CRX: variants seen among roughly 807,000 people sequenced by gnomAD.
CRX encodes the protein cone-rod homeobox protein.
A neutral mutation model predicts 13.1 loss-of-function variants in CRX; 5 were observed. That is an observed-to-expected ratio of 0.38 (90% confidence interval 0.20 to 0.80). The LOEUF (loss-of-function observed/expected upper bound fraction) is 0.80, where lower values mean the gene tolerates loss of function less well. Among genes scored for constraint, CRX ranks in the 30% least tolerant of loss-of-function variants. The probability of loss-of-function intolerance (pLI) is 0.43; values close to 1 mark genes in which losing one functional copy is unlikely to be tolerated. For synonymous variants in CRX, 179 were observed against 171.1 expected (o/e 1.05, Z -0.36); for missense variants, 351 against 391.8 (o/e 0.90, Z 0.88).
intron 1 of CRX, among the ~76,000 whole-genome samples, chr19:47,829,848 T>G (rs1968022822): frequency 6.6e-6 from 1 of 151,114 alleles, no homozygotes; most frequent in Non-Finnish European, 1.5e-5. Flanking sequence ...TTACCCAGGC[T>G]GGTCTCGAAC....
rs560107317 is a variant in CRX at position 47,841,354 on chromosome 19, T to G, written c.*1387T>G. 2 of 152,318 alleles carry G rather than the reference T, an allele frequency of 1.3e-5. No individual in the cohort carries two copies. Among genetic ancestry groups the G allele is most frequent in the African/African-American group, 4.8e-5 (2 of 41,582 alleles). The allele number at this position is 152,318 out of a possible 1,614,324, so 9.4% of individuals were successfully genotyped here. On this transcript the variant is annotated 3_prime_UTR_variant, in exon 4 of 4. Transcript: ENST00000221996. Reference sequence around the variant, plus strand: ...TGAAAGGCACCTTGCCTGTTCCATCTCTACTCCTTTTTTCTTTTGTTTTAG... The same window carrying G: ...TGAAAGGCACCTTGCCTGTTCCATCGCTACTCCTTTTTTCTTTTGTTTTAG...
At chr19:47,825,179 C>T (rs920071959) in intron 1 of CRX, among the ~76,000 whole-genome samples, 7 of 151,902 alleles carry the variant, frequency 4.6e-5, no homozygotes, top group African/African-American at 1.7e-4. Context: ...GGTTTCACCA[C>T]GTTGGCCAGG....
intron 3 of CRX, 71 bp downstream of exon 3, chr19:47,836,465 G>C (rs1213610357): frequency 1.9e-6 from 3 of 1,591,802 alleles, no homozygotes; most frequent in East Asian, 4.5e-5. Flanking sequence ...GGAACAAAGA[G>C]TGATGGGAGG....
chr19:47,824,049 A>G (rs1321747667), intron 1 of CRX, among the ~76,000 whole-genome samples: 1 of 152,148 alleles, frequency 6.6e-6, no homozygotes, highest in Non-Finnish European at 1.5e-5. Context: ...AGTGGGGACA[A>G]TGATAAGCTG....
At chr19:47,824,808 G>A (rs1967955424) in intron 1 of CRX, among the ~76,000 whole-genome samples, 1 of 151,996 alleles carries the variant, frequency 6.6e-6, no homozygotes. Flanking sequence ...TGATCCCCAG[G>A]GCAGAGACAC....
At chr19:47,827,836 TAAAAAAAAAAAA>T (rs1156465404) in intron 1 of CRX, among the ~76,000 whole-genome samples, 25 of 41,760 alleles carry the variant, frequency 6.0e-4, no homozygotes, top group African/African-American at 2.9e-3. Context: ...GCATCTTTAT[TAAAAAAAAAAAA>T]AAAAAAAAAA....
At chr19:47,837,447 G>A (rs144827548) in intron 3 of CRX, among the ~76,000 whole-genome samples, 3,650 of 152,308 alleles carry the variant, frequency 0.024, 150 homozygotes, top group African/African-American at 0.082. Flanking sequence ...GATTACAGGC[G>A]TGAGCCACCG....
At position 47,843,034 on chromosome 19, in the gene CRX, C is replaced by T. The variant is rs1171396758; in HGVS notation, c.*3067C>T. 1.3e-5 allele frequency: 2 copies of T among 152,184 alleles called. No homozygotes were observed. Among genetic ancestry groups the T allele is most frequent in the East Asian group, 3.9e-4 (2 of 5,190 alleles). The allele number at this position is 152,184 out of a possible 1,614,324, so 9.4% of individuals were successfully genotyped here. On this transcript the variant is annotated 3_prime_UTR_variant, in exon 4 of 4. Transcript: ENST00000221996. ...CTGATCCTGGGGTCTTCTGAGACTC[C>T]ACCAGGAGCCGGAGAGGGCAGGGAG... is the stretch of plus-strand genomic sequence containing the variant.
chr19:47,825,174 C>T (rs1386359852), intron 1 of CRX, among the ~76,000 whole-genome samples: 1 of 151,946 alleles, frequency 6.6e-6, no homozygotes, highest in Non-Finnish European at 1.5e-5. Context: ...GACGGGGTTT[C>T]ACCACGTTGG....
chr19:47,825,922 T>TAAC (rs577839558), intron 1 of CRX, among the ~76,000 whole-genome samples: 2 of 152,010 alleles, frequency 1.3e-5, no homozygotes, highest in South Asian at 2.1e-4. Flanking sequence ...CGTCTCAAAA[T>TAAC]AACAACAACA....
At chr19:47,826,571 C>T (rs957057122) in intron 1 of CRX, among the ~76,000 whole-genome samples, 1 of 152,170 alleles carries the variant, frequency 6.6e-6, no homozygotes, top group African/African-American at 2.4e-5. Flanking sequence ...TGCCACTGCA[C>T]TCCAGCCTGG....
intron 1 of CRX, among the ~76,000 whole-genome samples, chr19:47,829,593 A>AGTGCT (rs1968019085): frequency 6.6e-6 from 1 of 152,040 alleles, no homozygotes; most frequent in Non-Finnish European, 1.5e-5. Context: ...GGCCTCCCAA[A>AGTGCT]GTGCTGGCAT....
intron 1 of CRX, among the ~76,000 whole-genome samples, chr19:47,834,090 C>T (rs187207654): frequency 6.6e-6 from 1 of 152,034 alleles, no homozygotes; most frequent in African/African-American, 2.4e-5. Flanking sequence ...CTTGGCCTCC[C>T]AAAGTGCTGG....
Position 47,839,304 on chromosome 19 carries a change from C to T in CRX, c.253-16C>T, listed in dbSNP as rs372605680. The T allele has an allele frequency of 1.4e-5, 23 of 1,611,788 alleles. No individual in the cohort carries two copies. In the Admixed American group the frequency reaches 2.0e-4, roughly 14 times the overall value. ...TTCCCCACTTACCCACCCCCATCTCCGCTCTTATCCCCCAGGTTTGGTTCA... is the reference window on the plus strand; with the variant it reads ...TTCCCCACTTACCCACCCCCATCTCTGCTCTTATCCCCCAGGTTTGGTTCA... On this transcript the variant is annotated splice_polypyrimidine_tract_variant and intron_variant, in intron 3 of 3. Transcript: ENST00000221996. This position sits in a 1 kb window ranked among gnomAD's most constrained non-coding sequence, Gnocchi z 4.6.
At chr19:47,835,818 T>TC (rs1968111106) in intron 2 of CRX, among the ~76,000 whole-genome samples, 2 of 151,680 alleles carry the variant, frequency 1.3e-5, no homozygotes, top group African/African-American at 2.4e-5. Flanking sequence ...AGACAGGGGT[T>TC]CCCCATGTTG....
intron 2 of CRX, among the ~76,000 whole-genome samples, chr19:47,835,203 C>T (rs774171255): frequency 1.3e-5 from 2 of 149,238 alleles, no homozygotes; most frequent in Non-Finnish European, 3.0e-5. Context: ...CTGGATTATA[C>T]AAAACATAGA....
intron 1 of CRX, among the ~76,000 whole-genome samples, chr19:47,823,016 G>A (rs545100075): frequency 5.3e-5 from 8 of 152,036 alleles, no homozygotes; most frequent in Admixed American, 2.6e-4. Context: ...GGCTGGTCTC[G>A]AACTCCTGAC....
intron 1 of CRX, among the ~76,000 whole-genome samples, chr19:47,828,078 TGGGAGGCAGAGGCTG>T (rs1967998436): frequency 6.6e-6 from 1 of 150,928 alleles, no homozygotes; most frequent in Admixed American, 6.6e-5. Context: ...CACTTGACCC[TGGGAGGCAGAGGCTG>T]CAGTGAGCCG....
chr19:47,823,730 A>G (rs937750975), intron 1 of CRX, among the ~76,000 whole-genome samples: 1 of 149,374 alleles, frequency 6.7e-6, no homozygotes, highest in Non-Finnish European at 1.5e-5. Flanking sequence ...GCTCAGTGCA[A>G]CCTCCACCTC....
Sources: gnomAD v4.1 joint callset for allele counts (sites outside exome capture counted in the v4.1 genomes callset) on GRCh38, gnomAD v4.1.1 for gene constraint, Gnocchi (gnomAD v3.1) non-coding constraint, MANE v1.5 for transcripts, NCBI Gene and HGNC (gene_info 2026-07-23, HGNC 2026-07-21) for gene names.